Variants in ROPN1L observed in about 807,000 individuals in gnomAD.
ROPN1L encodes ropporin-1-like protein.
Under a neutral mutation model 22.7 loss-of-function variants are expected in ROPN1L, and 23 were observed. The observed-to-expected ratio is 1.01, with a 90% CI of 0.73 to 1.43. The LOEUF is 1.43. Ranked by LOEUF, ROPN1L falls within the 40% of genes most tolerant of loss-of-function variation. ROPN1L has a pLI of 0.00. For missense variants in ROPN1L, 271 were observed against 291.5 expected (o/e 0.93, Z 0.51); for synonymous variants, 116 against 117.8 (o/e 0.98, Z 0.10).
At chr5:10,466,204 C>T (rs1735151610), downstream of ROPN1L, among the ~76,000 whole-genome samples, 1 of 152,194 alleles carries the variant, frequency 6.6e-6, no homozygotes, top group Non-Finnish European at 1.5e-5. Flanking sequence ...TCTGGGGGGC[C>T]CAAGGAGCGA....
downstream of ROPN1L, among the ~76,000 whole-genome samples, chr5:10,472,502 T>C (rs1205938897): frequency 6.6e-6 from 1 of 152,228 alleles, no homozygotes; most frequent in Non-Finnish European, 1.5e-5. Flanking sequence ...GGCCCTTTTC[T>C]TCTTCCTTTG....
chr5:10,458,605 C>T (rs1275573883), intron 3 of ROPN1L, among the ~76,000 whole-genome samples: 3 of 79,828 alleles, frequency 3.8e-5, no homozygotes, highest in African/African-American at 5.3e-5. Flanking sequence ...TCATGTACAC[C>T]GTCCCCACCA....
intron 3 of ROPN1L, among the ~76,000 whole-genome samples, chr5:10,451,323 C>A (rs1222583650): frequency 6.6e-6 from 1 of 152,210 alleles, no homozygotes; most frequent in Non-Finnish European, 1.5e-5. Context: ...CAGTCACTTC[C>A]AACCACCTGT....
chr5:10,459,511 G>C (rs1416499849), intron 3 of ROPN1L, among the ~76,000 whole-genome samples: 2 of 152,112 alleles, frequency 1.3e-5, no homozygotes, highest in African/African-American at 2.4e-5. Context: ...CCCTGGGTCT[G>C]TAAAGACCTC....
chr5:10,459,217 C>T (rs919234124), intron 3 of ROPN1L, among the ~76,000 whole-genome samples: 15 of 151,980 alleles, frequency 9.9e-5, no homozygotes, highest in Non-Finnish European at 2.1e-4. Context: ...GTAACTCCAC[C>T]TTCAGGAGAG....
downstream of ROPN1L, among the ~76,000 whole-genome samples, chr5:10,474,173 A>G (rs1735288414): frequency 6.6e-6 from 1 of 152,112 alleles, no homozygotes; most frequent in South Asian, 2.1e-4. Flanking sequence ...AAAAAAAAAA[A>G]AAAGGAAAAT....
chr5:10,473,952 G>A (rs1735284770), downstream of ROPN1L, among the ~76,000 whole-genome samples: 1 of 152,088 alleles, frequency 6.6e-6, no homozygotes, highest in Non-Finnish European at 1.5e-5. Flanking sequence ...AGGAGTTCGA[G>A]ACCACCCTGG....
intron 3 of ROPN1L, among the ~76,000 whole-genome samples, chr5:10,453,395 T>C (rs1579648439): frequency 6.6e-6 from 1 of 152,102 alleles, no homozygotes. Context: ...TTGTTGACCT[T>C]GTTGGCCCTG....
chr5:10,451,727 G>A (rs1741257217), intron 3 of ROPN1L, among the ~76,000 whole-genome samples: 1 of 152,172 alleles, frequency 6.6e-6, no homozygotes, highest in Non-Finnish European at 1.5e-5. Context: ...CTGCTCAAAG[G>A]CAATGGAGGT....
chr5:10,465,894 G>C (rs1468063476), downstream of ROPN1L, among the ~76,000 whole-genome samples: 1 of 152,134 alleles, frequency 6.6e-6, no homozygotes, highest in Non-Finnish European at 1.5e-5. Context: ...TGGTGGAGGG[G>C]CTCGCCCTTT....
intron 3 of ROPN1L, among the ~76,000 whole-genome samples, chr5:10,454,681 C>T (rs192988730): frequency 2.4e-4 from 36 of 152,356 alleles, no homozygotes; most frequent in Admixed American, 2.6e-4. Flanking sequence ...TCTTCGTTTA[C>T]AACCACAGAT....
chr5:10,454,702 C>G (rs898718920), intron 3 of ROPN1L, among the ~76,000 whole-genome samples: 2 of 152,224 alleles, frequency 1.3e-5, no homozygotes, highest in African/African-American at 4.8e-5. Context: ...GCACACGTGT[C>G]TAACGCAGTT....
chr5:10,441,975 A>G lies in ROPN1L; in HGVS notation c.-193A>G, dbSNP rs1446249084. The G allele has an allele frequency of 1.0e-5, 7 of 678,648 alleles. No homozygotes were observed. The highest frequency in any genetic ancestry group is 1.7e-5 in the Non-Finnish European group (7 of 415,670). The allele number at this position is 678,648 out of a possible 1,614,324, so 42.0% of individuals were successfully genotyped here. ...TGTTGTCGGAGTGGCAGTTGGTCCG[A>G]ATTTCTCCCGAAGCCCGCGGAGGAG... is the stretch of plus-strand genomic sequence containing the variant. On this transcript the variant is annotated 5_prime_UTR_variant, in exon 1 of 5. Coordinates refer to ENST00000274134, the MANE Select transcript of ROPN1L (RefSeq NM_031916.5).
chr5:10,473,503 G>T (rs182547045), downstream of ROPN1L, among the ~76,000 whole-genome samples: 2 of 152,140 alleles, frequency 1.3e-5, no homozygotes, highest in Admixed American at 6.5e-5. Context: ...GAGGGAGCAG[G>T]GTCCTGCCGA....
chr5:10,458,012 T>A (rs1447506809), intron 3 of ROPN1L, among the ~76,000 whole-genome samples: 3 of 152,082 alleles, frequency 2.0e-5, no homozygotes, highest in Non-Finnish European at 4.4e-5. Flanking sequence ...GTCCTGGTTC[T>A]CAGTCATGTT....
At chr5:10,470,892 C>G (rs570477928) in intron 4 of ROPN1L, among the ~76,000 whole-genome samples, 1 of 152,194 alleles carries the variant, frequency 6.6e-6, no homozygotes, top group East Asian at 1.9e-4. Flanking sequence ...CTGCCACGTA[C>G]GGGTTTTGCA....
intron 4 of ROPN1L, among the ~76,000 whole-genome samples, chr5:10,470,644 T>G (rs1206927312): frequency 5.3e-5 from 8 of 152,204 alleles, no homozygotes; most frequent in Admixed American, 5.2e-4. Flanking sequence ...CTGTGCTGAG[T>G]TGGAGCCAGT....
At chr5:10,469,104 G>A (rs1232170886), downstream of ROPN1L, among the ~76,000 whole-genome samples, 4 of 152,226 alleles carry the variant, frequency 2.6e-5, no homozygotes, top group Admixed American at 1.3e-4. Context: ...GCAATGAGCC[G>A]AGATCGTGCC....
chr5:10,477,611 A>G, the ROPN1L span, among the ~76,000 whole-genome samples: 1 of 152,176 alleles, frequency 6.6e-6, no homozygotes, highest in African/African-American at 2.4e-5. Flanking sequence ...GGAAGAGGAC[A>G]TGTATGCTTA....
Sources: allele counts gnomAD v4.1 joint callset (sites outside exome capture counted in the v4.1 genomes callset), GRCh38; gene constraint gnomAD v4.1.1; transcripts MANE v1.5; gene names NCBI Gene and HGNC (gene_info 2026-07-23, HGNC 2026-07-21).